The following SEC63 variants were observed in gnomAD, a reference collection of about 807,000 sequenced individuals.
SEC63 encodes the protein translocation protein SEC63 homolog.
A neutral mutation model predicts 116.2 loss-of-function variants in SEC63; 56 were observed. That is an observed-to-expected ratio of 0.48 (90% CI 0.39 to 0.60). The LOEUF is 0.60. Among genes scored for constraint, SEC63 ranks in the 20% least tolerant of loss-of-function variants. SEC63 has a pLI of 0.00. For synonymous variants in SEC63, 273 were observed against 294.6 expected (o/e 0.93, Z 0.75); for missense variants, 668 against 900.0 (o/e 0.74, Z 3.30).
At chr6:107,952,201 A>G (rs2268629) in intron 1 of SEC63, among the ~76,000 whole-genome samples, 148,477 of 152,244 alleles carry the variant, frequency 0.98, 72,437 homozygotes, top group Middle Eastern at 0.99. Context: ...AAACATGTTA[A>G]GCAGAAATCA....
At position 107,941,651 on chromosome 6, in the gene SEC63, G is replaced by A. The variant is rs555126915; in HGVS notation, c.125-12137C>T. 2.6e-5 allele frequency among the ~76,000 whole-genome samples: 4 copies of A among 152,346 alleles called. No individual in the cohort carries two copies. In the East Asian group the frequency reaches 7.7e-4, roughly 29 times the overall value. On this transcript the variant is annotated intron_variant, in intron 1 of 20. Transcript: ENST00000369002. ...TTAGGAAAATATCTGGAAAAGCAAA[G>A]GAGACAGGAGAGTTGGCGAGGTTGA...
At chr6:107,873,568 A>C (rs1381410982) in intron 19 of SEC63, among the ~76,000 whole-genome samples, 1 of 152,138 alleles carries the variant, frequency 6.6e-6, no homozygotes, top group Non-Finnish European at 1.5e-5. Flanking sequence ...AAAATCATGA[A>C]GGAATCTTTT....
At chr6:107,909,130 G>A (rs1422224854) in intron 7 of SEC63, 95 bp from the exon 8 acceptor site, 2 of 867,546 alleles carry the variant, frequency 2.3e-6, no homozygotes, top group Non-Finnish European at 3.7e-6. Context: ...CACTTTGGGA[G>A]GCTGAGGTGA....
At chr6:107,899,568 T>C (rs1019954619) in intron 13 of SEC63, among the ~76,000 whole-genome samples, 2 of 151,924 alleles carry the variant, frequency 1.3e-5, no homozygotes, top group Non-Finnish European at 1.5e-5. Flanking sequence ...ATACAAAAAT[T>C]AGCTGGGCAT....
intron 1 of SEC63, among the ~76,000 whole-genome samples, chr6:107,953,456 C>T (rs1383637999): frequency 2.0e-5 from 3 of 148,190 alleles, no homozygotes; most frequent in African/African-American, 7.4e-5. Context: ...CACCTCTGCC[C>T]GGCCGCCCCT....
chr6:107,933,682 C>G (rs942688715), intron 1 of SEC63, among the ~76,000 whole-genome samples: 1 of 151,512 alleles, frequency 6.6e-6, no homozygotes, highest in African/African-American at 2.4e-5. Flanking sequence ...GCCCCTGCCC[C>G]TGCCCCTGCC....
At chr6:107,874,327 G>A (rs1043082993) in intron 19 of SEC63, among the ~76,000 whole-genome samples, 24 of 152,286 alleles carry the variant, frequency 1.6e-4, no homozygotes, top group East Asian at 3.9e-4. Context: ...GGGCACGGTG[G>A]CTCACGCCTG....
intron 8 of SEC63, among the ~76,000 whole-genome samples, chr6:107,908,155 A>T (rs2114452470): frequency 6.6e-6 from 1 of 152,310 alleles, no homozygotes; most frequent in Admixed American, 6.5e-5. Context: ...AATGCAGAAA[A>T]GTCCATTTTG....
At position 107,957,950 on chromosome 6, in the gene SEC63, G is replaced by C. The variant is rs993969767; in HGVS notation, c.60C>G (p.Thr20=). The C allele has an allele frequency of 6.2e-7, 1 of 1,613,480 alleles. No individual in the cohort carries two copies. Among genetic ancestry groups the C allele is most frequent in the Admixed American group, 1.7e-5 (1 of 60,018 alleles). Reference sequence around the variant, plus strand: ...GGATCACGATGAGCCCCACGAAGGAGGTGAGGAAGTAGAAGAAGGTGTTCC... The same window carrying C: ...GGATCACGATGAGCCCCACGAAGGACGTGAGGAAGTAGAAGAAGGTGTTCC... ...DSGNTFFYFL[T]SFVGLIVIPA... is the part of the protein sequence containing the mutation. Residue 20 remains threonine, a synonymous_variant, in exon 1 of 21, where the codon ACC becomes ACG. Coordinates refer to ENST00000369002, the MANE Select transcript of SEC63 (RefSeq NM_007214.5).
intron 1 of SEC63, among the ~76,000 whole-genome samples, chr6:107,948,838 A>C (rs1004641792): frequency 3.3e-5 from 5 of 152,190 alleles, no homozygotes; most frequent in African/African-American, 1.2e-4. Context: ...ATAATGTACA[A>C]GTTAATCTCT....
At chr6:107,908,726 G>A (rs1336927080) in intron 8 of SEC63, among the ~76,000 whole-genome samples, 1 of 152,090 alleles carries the variant, frequency 6.6e-6, no homozygotes, top group Non-Finnish European at 1.5e-5. Flanking sequence ...AAATATATGA[G>A]TAAATGTGAA....
At chr6:107,912,019 G>A (rs997254722) in intron 6 of SEC63, among the ~76,000 whole-genome samples, 8 of 152,154 alleles carry the variant, frequency 5.3e-5, no homozygotes, top group African/African-American at 1.9e-4. Flanking sequence ...ACAAGCTTAT[G>A]CAGCAACTGT....
intron 4 of SEC63, among the ~76,000 whole-genome samples, chr6:107,917,781 G>A (rs1277775962): frequency 6.6e-6 from 1 of 152,200 alleles, no homozygotes; most frequent in Admixed American, 6.5e-5. Flanking sequence ...TGAGGGAGCT[G>A]CAGAAGCTAG....
chr6:107,900,868 GA>G (rs890957878), intron 13 of SEC63, among the ~76,000 whole-genome samples: 1 of 152,116 alleles, frequency 6.6e-6, no homozygotes, highest in Admixed American at 6.5e-5. Context: ...TATATAGGTA[GA>G]AAAATAGCCT....
chr6:107,883,247 T>C, intron 16 of SEC63, 101 bp from the exon 17 acceptor site: 1 of 1,394,100 alleles, frequency 7.2e-7, no homozygotes, highest in Non-Finnish European at 9.9e-7. Context: ...CTAAACTGAC[T>C]CGATGACAAT....
chr6:107,948,654 G>C (rs1770522675), intron 1 of SEC63, among the ~76,000 whole-genome samples: 1 of 152,128 alleles, frequency 6.6e-6, no homozygotes, highest in Non-Finnish European at 1.5e-5. Context: ...TTGACATGCT[G>C]AATGAAGAAG....
At position 107,868,235 on chromosome 6, in the gene SEC63, A is replaced by C. The variant is rs540628373; in HGVS notation, c.*3469T>G. On this transcript the variant is annotated 3_prime_UTR_variant, in exon 21 of 21. Coordinates refer to ENST00000369002, the MANE Select transcript of SEC63 (RefSeq NM_007214.5). ...GAAAATTGTTTCTTAAAAAAAAAAA[A>C]ACATTTTAAAGGAAAGGATGATGAT... The C allele has an allele frequency of 1.7e-4, 26 of 152,186 alleles. No homozygotes were observed. In the East Asian group the frequency reaches 3.1e-3, roughly 18 times the overall value. The allele number at this position is 152,186 out of a possible 1,614,324, so 9.4% of individuals were successfully genotyped here. A position where few individuals can be genotyped will look rare whatever the true frequency, so the allele number is the denominator to read the frequency against.
chr6:107,917,176 A>C (rs906939160), intron 4 of SEC63, among the ~76,000 whole-genome samples: 4 of 152,212 alleles, frequency 2.6e-5, no homozygotes, highest in East Asian at 1.9e-4. Flanking sequence ...TGCTGCAGTT[A>C]ACTAGCCCAA....
chr6:107,928,945 C>G (rs1325739838), intron 2 of SEC63, among the ~76,000 whole-genome samples: 1 of 152,176 alleles, frequency 6.6e-6, no homozygotes, highest in Admixed American at 6.5e-5. Flanking sequence ...CCTTTGTTTC[C>G]TCATCTGAGA....
Sources: gnomAD v4.1 joint callset for allele counts (sites outside exome capture counted in the v4.1 genomes callset) on GRCh38, gnomAD v4.1.1 for gene constraint, MANE v1.5 for transcripts, NCBI Gene and HGNC (gene_info 2026-07-23, HGNC 2026-07-21) for gene names.